Variants in DNAJA1 observed in about 807,000 individuals in gnomAD.
DNAJA1 encodes the protein DnaJ heat shock protein family (Hsp40) member A1, also known as dnaJ homolog subfamily A member 1.
A neutral mutation model predicts 47.6 loss-of-function variants in DNAJA1; 26 were observed. The ratio of observed to expected loss-of-function variants is 0.55; its 90% CI spans 0.40 to 0.76. The LOEUF (loss-of-function observed/expected upper bound fraction) is 0.76, where lower values mean the gene tolerates loss of function less well. DNAJA1 is among the 30% of genes least tolerant of loss of function. DNAJA1 has a pLI of 0.00. For missense variants in DNAJA1, 315 were observed against 485.0 expected (o/e 0.65, Z 3.29); for synonymous variants, 165 against 158.4 (o/e 1.04, Z -0.31).
chr9:33,037,316 AC>A (rs774058247), intron 8 of DNAJA1: 4,868 of 204,024 alleles, frequency 0.024, 108 homozygotes, highest in African/African-American at 0.12. Context: ...CTTTAAAAAA[AC>A]AAAAAAAAAA....
chr9:33,027,316 C>T (rs964954598), intron 3 of DNAJA1, among the ~76,000 whole-genome samples: 13 of 152,022 alleles, frequency 8.6e-5, no homozygotes, highest in Admixed American at 7.9e-4. Flanking sequence ...CCACCAAACC[C>T]GGCTAATTTT....
chr9:33,035,760 C>T (rs1839024177), intron 6 of DNAJA1, among the ~76,000 whole-genome samples: 3 of 151,928 alleles, frequency 2.0e-5, no homozygotes, highest in South Asian at 2.1e-4. Context: ...TGAGCCACCG[C>T]GCCCAGCCTA....
chr9:33,034,709 C>G (rs1182515503), intron 6 of DNAJA1, among the ~76,000 whole-genome samples: 3 of 152,092 alleles, frequency 2.0e-5, no homozygotes, highest in African/African-American at 7.2e-5. Flanking sequence ...TATAAATATC[C>G]AAAAGCATCT....
intron 8 of DNAJA1, chr9:33,037,345 A>G (rs1279527977): frequency 9.3e-6 from 3 of 323,400 alleles, no homozygotes; most frequent in Non-Finnish European, 1.8e-5. Flanking sequence ...AAAATTTCTG[A>G]ATGCCTCAGA....
chr9:33,030,632 G>A lies in DNAJA1; in HGVS notation c.608G>A (p.Arg203Gln), dbSNP rs1838946054. 3.1e-6 allele frequency: 5 copies of A among 1,613,754 alleles called. No individual in the cohort carries two copies. Among genetic ancestry groups the A allele is most frequent in the African/African-American group, 1.3e-5 (1 of 75,052 alleles). Residue 203 changes from arginine (R) to glutamine (Q), a missense_variant, in exon 5 of 9, where the codon CGA becomes CAA. Transcript: ENST00000330899. ...CKSCNGRKIV[R>Q]EKKILEVHID... ...AGCTGCAACGGAAGGAAGATAGTTC[G>A]AGAGAAGAAAATTTTAGAAGTTCAT... is the stretch of plus-strand genomic sequence containing the variant.
chr9:33,029,011 A>T (rs865901428), intron 3 of DNAJA1, among the ~76,000 whole-genome samples: 16 of 152,206 alleles, frequency 1.1e-4, no homozygotes, highest in African/African-American at 3.6e-4. Flanking sequence ...GGAACTTACT[A>T]ACTTACTAGC....
chr9:33,026,741 A>G, intron 2 of DNAJA1, 72 bp from the exon 3 acceptor site: 2 of 1,576,086 alleles, frequency 1.3e-6, no homozygotes, highest in Non-Finnish European at 1.7e-6. Flanking sequence ...TTTTTAGCTA[A>G]GATCAAGTGT....
At chr9:33,027,773 C>T (rs1022857254) in intron 3 of DNAJA1, among the ~76,000 whole-genome samples, 1 of 151,928 alleles carries the variant, frequency 6.6e-6, no homozygotes, top group Non-Finnish European at 1.5e-5. Context: ...TCGCTTGAAC[C>T]CTGGAGGCAG....
intron 3 of DNAJA1, among the ~76,000 whole-genome samples, chr9:33,029,308 T>C (rs1000682896): frequency 1.3e-5 from 2 of 152,194 alleles, no homozygotes; most frequent in Non-Finnish European, 2.9e-5. Context: ...ATGAGAAATT[T>C]GGCCTTCAAA....
intron 5 of DNAJA1, among the ~76,000 whole-genome samples, chr9:33,032,326 G>A (rs1838974105): frequency 6.6e-6 from 1 of 152,180 alleles, no homozygotes; most frequent in South Asian, 2.1e-4. Flanking sequence ...TTACCCCTTA[G>A]TGGGCCCATG....
intron 8 of DNAJA1, 198 bp downstream of exon 8, chr9:33,037,313 AAAAC>A (rs1168954246): frequency 0.011 from 3,526 of 335,052 alleles, 9 homozygotes; most frequent in Middle Eastern, 0.016. Flanking sequence ...TCTCTTTAAA[AAAAC>A]AAAAAAAAAA....
At chr9:33,031,848 C>G (rs570065227) in intron 5 of DNAJA1, among the ~76,000 whole-genome samples, 7 of 152,312 alleles carry the variant, frequency 4.6e-5, no homozygotes, top group Middle Eastern at 6.8e-3. Context: ...AGACTTGACA[C>G]TTCCCTAACC....
chr9:33,034,390 TTTTG>T, intron 6 of DNAJA1, 60 bp downstream of exon 6: 1 of 1,237,916 alleles, frequency 8.1e-7, no homozygotes, highest in South Asian at 1.4e-5. Context: ...TGGTTTTGTT[TTTTG>T]TTTTTTTGTT....
chr9:33,027,002 C>A lies in DNAJA1; in HGVS notation c.310+12C>A. On this transcript the variant is annotated intron_variant, in intron 3 of 8. Coordinates refer to ENST00000330899, the MANE Select transcript of DNAJA1 (RefSeq NM_001539.4). Reference sequence around the variant, plus strand: ...GAGAGAAAGGAGAGGTAAGAAGAATCTAGTCTTTGTGCAGCTAACTAAAGT... The same window carrying A: ...GAGAGAAAGGAGAGGTAAGAAGAATATAGTCTTTGTGCAGCTAACTAAAGT... The A allele has an allele frequency of 6.2e-7, 1 of 1,613,916 alleles. No individual in the cohort carries two copies. Among genetic ancestry groups the A allele is most frequent in the South Asian group, 1.1e-5 (1 of 91,036 alleles).
At chr9:33,028,586 AATCCAAATGAC>A (rs1458038984) in intron 3 of DNAJA1, among the ~76,000 whole-genome samples, 26 of 152,384 alleles carry the variant, frequency 1.7e-4, no homozygotes, top group African/African-American at 2.6e-4. Context: ...GAAAGTCCAC[AATCCAAATGAC>A]TTGCTTAGTA....
chr9:33,032,863 A>G (rs2119388683), intron 5 of DNAJA1, among the ~76,000 whole-genome samples: 1 of 152,268 alleles, frequency 6.6e-6, no homozygotes, highest in Non-Finnish European at 1.5e-5. Context: ...TAGGGGTGTA[A>G]TACATGAAAT....
chr9:33,030,516 G>T lies in DNAJA1; in HGVS notation c.492G>T (p.Gln164His). The change falls in exon 5 of 9, where the codon CAG becomes CAT. Residue 164 changes from glutamine to histidine, a missense_variant. By Grantham distance (24) the Gln-to-His change is conservative. Around this residue, in one of 4 missense-constraint regions of DNAJA1, gnomAD observed 8 missense variants for 43.4 expected, o/e 0.18. Coordinates refer to ENST00000330899, the MANE Select transcript of DNAJA1 (RefSeq NM_001539.4). ...CTGGAATGCAAATAAGAATTCATCAGATAGGACCTGGAATGGTTCAGCAAA... is the reference window on the plus strand; with the variant it reads ...CTGGAATGCAAATAAGAATTCATCATATAGGACCTGGAATGGTTCAGCAAA... ...RGTGMQIRIH[Q>H]IGPGMVQQIQ... The T allele has an allele frequency of 6.2e-7, 1 of 1,614,130 alleles. No homozygotes were observed. Among genetic ancestry groups the T allele is most frequent in the East Asian group, 2.2e-5 (1 of 44,886 alleles).
intron 6 of DNAJA1, among the ~76,000 whole-genome samples, chr9:33,035,713 C>T (rs935420012): frequency 1.3e-5 from 2 of 152,074 alleles, no homozygotes; most frequent in Non-Finnish European, 2.9e-5. Context: ...AGGCAATCCA[C>T]CTGCCTCGGC....
Position 33,026,986 on chromosome 9 carries a change from G to T in DNAJA1, c.306G>T (p.Arg102Ser). ...FGGGGRMQRE[R>S]RGKNVVHQLS... is the part of the protein sequence containing the mutation. ...GAGGAGGAAGGATGCAGAGAGAAAG[G>T]AGAGGTAAGAAGAATCTAGTCTTTG... Residue 102 changes from arginine to serine, a missense_variant, in exon 3 of 9, where the codon AGG becomes AGT. Physicochemically the swap from Arg to Ser is moderately radical, Grantham distance 110. Coordinates refer to ENST00000330899, the MANE Select transcript of DNAJA1 (RefSeq NM_001539.4). 6.2e-7 allele frequency: 1 copy of T among 1,614,130 alleles called. No individual in the cohort carries two copies. Among genetic ancestry groups the T allele is most frequent in the Non-Finnish European group, 8.5e-7 (1 of 1,180,014 alleles).
Sources: gnomAD v4.1 joint callset for allele counts (sites outside exome capture counted in the v4.1 genomes callset) on GRCh38, gnomAD v4.1.1 for gene constraint, gnomAD v4.1.1 regional missense constraint, MANE v1.5 for transcripts, NCBI Gene and HGNC (gene_info 2026-07-23, HGNC 2026-07-21) for gene names.